The following PTS variants were observed in gnomAD, a reference collection of about 807,000 sequenced individuals.
PTS encodes the protein 6-pyruvoyl tetrahydrobiopterin synthase.
A neutral mutation model predicts 20.6 loss-of-function variants in PTS; 23 were observed. The ratio of observed to expected loss-of-function variants is 1.12; its 90% CI spans 0.80 to 1.58. The LOEUF is 1.58. Among genes scored for constraint, PTS ranks in the 40% most tolerant of loss-of-function variants. The pLI, the probability that PTS is intolerant of heterozygous loss-of-function variation, is 0.00. For synonymous variants in PTS, 65 were observed against 62.5 expected, an observed-to-expected ratio of 1.04 and a Z score of -0.19; for missense variants, 186 against 182.4, an observed-to-expected ratio of 1.02 and a Z score of -0.11.
chr11:112,227,619 A>G (rs988486165), intron 1 of PTS, among the ~76,000 whole-genome samples: 1 of 152,162 alleles, frequency 6.6e-6, no homozygotes, highest in Non-Finnish European at 1.5e-5. Context: ...GCGAGCAAGC[A>G]GGCAACTCAC....
chr11:112,226,542 A>T lies in PTS; in HGVS notation c.83+16A>T. ...GATTGTACAGGTAGGGTGTGCACACAGGTACAGCGGCGGGCGGTGGGCGCC... is the reference window on the plus strand; with the variant it reads ...GATTGTACAGGTAGGGTGTGCACACTGGTACAGCGGCGGGCGGTGGGCGCC... On this transcript the variant is annotated intron_variant, in intron 1 of 5. Transcript: ENST00000280362. 6.4e-7 allele frequency: 1 copy of T among 1,559,710 alleles called. No homozygotes were observed. Among genetic ancestry groups the T allele is most frequent in the East Asian group, 2.4e-5 (1 of 41,434 alleles).
chr11:112,226,454 A>G lies in PTS; in HGVS notation c.11A>G (p.Glu4Gly), dbSNP rs1210641460. The change falls in exon 1 of 6, where the codon GAA becomes GGA. Residue 4 changes from glutamate to glycine, a missense_variant. Physicochemically the swap from Glu to Gly is moderately conservative, Grantham distance 98. Coordinates refer to ENST00000280362, the MANE Select transcript of PTS (RefSeq NM_000317.3). The stretch of plus-strand genomic sequence containing the variant: ...GACAGCGCCGGGAAGATGAGCACGG[A>G]AGGTGGTGGCCGTCGCTGCCAGGCA... MST[E>G]GGGRRCQAQV... The G allele has an allele frequency of 4.4e-6, 7 of 1,580,554 alleles. No individual in the cohort carries two copies. Among genetic ancestry groups the G allele is most frequent in the Non-Finnish European group, 6.0e-6 (7 of 1,165,578 alleles).
chr11:112,228,407 G>A (rs1859891725), intron 1 of PTS, 187 bp from the exon 2 acceptor site: 1 of 612,972 alleles, frequency 1.6e-6, no homozygotes, highest in Non-Finnish European at 2.9e-6. Flanking sequence ...TAGGGAATAT[G>A]CCATGGTTTG....
At chr11:112,226,776 C>T (rs1341022733) in intron 1 of PTS, among the ~76,000 whole-genome samples, 1 of 151,898 alleles carries the variant, frequency 6.6e-6, no homozygotes, top group African/African-American at 2.4e-5. Context: ...GGGCGATGGC[C>T]CACGTCTGGG....
At chr11:112,228,175 T>C in intron 1 of PTS, 1 of 178,708 alleles carries the variant, frequency 5.6e-6, no homozygotes, top group Non-Finnish European at 1.2e-5. Flanking sequence ...GGATGAGTAG[T>C]TTAGCTTCTG....
In PTS at chr11:112,233,246, G is replaced by C. The variant is rs1472942202; in HGVS notation, c.314+13G>C. On this transcript the variant is annotated intron_variant, in intron 5 of 5. Coordinates refer to ENST00000280362, the MANE Select transcript of PTS (RefSeq NM_000317.3). ...CAGATGTGGTGAGGTGGGTGGCACTGTATCTTGCCTTATGTGGATTGTAAA... is the reference window on the plus strand; with the variant it reads ...CAGATGTGGTGAGGTGGGTGGCACTCTATCTTGCCTTATGTGGATTGTAAA... 2 of 1,608,582 alleles carry C rather than the reference G, an allele frequency of 1.2e-6. No homozygotes were observed. Among genetic ancestry groups the C allele is most frequent in the Non-Finnish European group, 1.7e-6 (2 of 1,175,070 alleles).
In PTS at chr11:112,233,634, G is replaced by C; in HGVS notation, c.*79G>C. 6.3e-7 allele frequency: 1 copy of C among 1,597,826 alleles called. No individual in the cohort carries two copies. Among genetic ancestry groups the C allele is most frequent in the South Asian group, 1.1e-5 (1 of 89,090 alleles). ...TTTTGATCCCCTTGGAATATTAAGA[G>C]GTCAACACGTGATTGTTGTACGTAC... On this transcript the variant is annotated 3_prime_UTR_variant, in exon 6 of 6. Coordinates refer to ENST00000280362, the MANE Select transcript of PTS (RefSeq NM_000317.3).
At chr11:112,232,315 T>C (rs936798392) in intron 4 of PTS, among the ~76,000 whole-genome samples, 1 of 152,170 alleles carries the variant, frequency 6.6e-6, no homozygotes, top group Non-Finnish European at 1.5e-5. Flanking sequence ...GGAACTGGGA[T>C]TGAAGATGAA....
intron 1 of PTS, among the ~76,000 whole-genome samples, chr11:112,226,935 A>G (rs1415564452): frequency 6.6e-6 from 1 of 150,874 alleles, no homozygotes; most frequent in Non-Finnish European, 1.5e-5. Context: ...CACTCAGTAA[A>G]TGTTAGCTAA....
chr11:112,232,792 G>A (rs1859956907), intron 4 of PTS, among the ~76,000 whole-genome samples: 1 of 152,176 alleles, frequency 6.6e-6, no homozygotes, highest in Admixed American at 6.5e-5. Flanking sequence ...TTGTGGCATT[G>A]TTCCGTAGGT....
rs1172471545 is a variant in PTS, at chr11:112,226,448, G to C, written c.5G>C (p.Ser2Thr). The C allele has an allele frequency of 1.3e-6, 2 of 1,579,644 alleles. No individual in the cohort carries two copies. Among genetic ancestry groups the C allele is most frequent in the Non-Finnish European group, 1.7e-6 (2 of 1,164,916 alleles). M[S>T]TEGGGRRCQA... ...ACCGCAGACAGCGCCGGGAAGATGAGCACGGAAGGTGGTGGCCGTCGCTGC... is the reference window on the plus strand; with the variant it reads ...ACCGCAGACAGCGCCGGGAAGATGACCACGGAAGGTGGTGGCCGTCGCTGC... The change falls in exon 1 of 6, where the codon AGC (serine) becomes ACC (threonine). Residue 2 changes from serine (S) to threonine (T), a missense_variant. Coordinates refer to ENST00000280362, the MANE Select transcript of PTS (RefSeq NM_000317.3).
At chr11:112,229,703 A>G (rs908759497) in intron 2 of PTS, among the ~76,000 whole-genome samples, 3 of 152,166 alleles carry the variant, frequency 2.0e-5, no homozygotes, top group Admixed American at 1.3e-4. Flanking sequence ...AGATTTTTCA[A>G]ATGCTTCTCA....
Position 112,233,612 on chromosome 11 carries a change from T to C in PTS, c.*57T>C. On this transcript the variant is annotated 3_prime_UTR_variant, in exon 6 of 6. Transcript: ENST00000280362. Reference sequence around the variant, plus strand: ...TTCTTTCTGTGTTTGAAAAAGATTTTGATCCCCTTGGAATATTAAGAGGTC... The same window carrying C: ...TTCTTTCTGTGTTTGAAAAAGATTTCGATCCCCTTGGAATATTAAGAGGTC... 6.2e-7 allele frequency: 1 copy of C among 1,609,018 alleles called. No homozygotes were observed. The highest frequency in any genetic ancestry group is 8.5e-7 in the Non-Finnish European group (1 of 1,178,040).
At chr11:112,230,957 C>G (rs920033787) in intron 4 of PTS, among the ~76,000 whole-genome samples, 1 of 151,674 alleles carries the variant, frequency 6.6e-6, no homozygotes, top group Non-Finnish European at 1.5e-5. Context: ...TGATTTCCTT[C>G]AGTTAACAAA....
At chr11:112,227,049 A>C (rs1859874257) in intron 1 of PTS, among the ~76,000 whole-genome samples, 1 of 147,860 alleles carries the variant, frequency 6.8e-6, no homozygotes, top group African/African-American at 2.5e-5. Context: ...CTGGTGGTCT[A>C]GTGGCTAGGA....
At position 112,226,457 on chromosome 11, in the gene PTS, G is replaced by A. The variant is rs780908884; in HGVS notation, c.14G>A (p.Gly5Asp). ...AGCGCCGGGAAGATGAGCACGGAAGGTGGTGGCCGTCGCTGCCAGGCACAA... is the reference window on the plus strand; with the variant it reads ...AGCGCCGGGAAGATGAGCACGGAAGATGGTGGCCGTCGCTGCCAGGCACAA... The part of the protein sequence containing the change: MSTE[G>D]GGRRCQAQVS... Residue 5 changes from glycine to aspartate, a missense_variant, in exon 1 of 6, where the codon GGT (glycine) becomes GAT (aspartate). Gly to Asp is a moderately conservative substitution (Grantham distance 94). Coordinates refer to ENST00000280362, the MANE Select transcript of PTS (RefSeq NM_000317.3). 1.1e-5 allele frequency: 17 copies of A among 1,580,956 alleles called. No homozygotes were observed. The South Asian group carries it at 1.7e-4, about 16-fold the overall frequency.
chr11:112,229,460 C>T (rs1250689544), intron 2 of PTS: 1 of 151,054 alleles, frequency 6.6e-6, no homozygotes, highest in Non-Finnish European at 1.5e-5. Flanking sequence ...GGTGTGATCT[C>T]CCGTCACTAC....
At position 112,228,133 on chromosome 11, in the gene PTS, A is replaced by G. The variant is rs1447958261; in HGVS notation, c.84-461A>G. 4.0e-5 allele frequency: 7 copies of G among 172,928 alleles called. No individual in the cohort carries two copies. In the South Asian group the frequency reaches 8.1e-4, roughly 20 times the overall value. 10.7% of individuals were successfully genotyped at this position (172,928 alleles called of 1,614,324 possible). A position where few individuals can be genotyped will look rare whatever the true frequency, so the allele number is the denominator to read the frequency against. Reference sequence around the variant, plus strand: ...AAGATTGCTAAATAGGAGACTTACCAGGTCATGTAATTTTTTTAAATTATT... The same window carrying G: ...AAGATTGCTAAATAGGAGACTTACCGGGTCATGTAATTTTTTTAAATTATT... On this transcript the variant is annotated intron_variant, in intron 1 of 5. Transcript: ENST00000280362.
intron 3 of PTS, 123 bp from the exon 4 acceptor site, chr11:112,230,503 G>T (rs1221312337): frequency 1.3e-5 from 12 of 935,708 alleles, no homozygotes; most frequent in African/African-American, 1.6e-5. Flanking sequence ...GATTATCTCT[G>T]GGATGAAGGC....
Sources: gnomAD v4.1 joint callset for allele counts (sites outside exome capture counted in the v4.1 genomes callset) on GRCh38, gnomAD v4.1.1 for gene constraint, MANE v1.5 for transcripts, NCBI Gene and HGNC (gene_info 2026-07-23, HGNC 2026-07-21) for gene names.